Variants in TMEM163 observed in about 807,000 individuals in gnomAD.
TMEM163 encodes transmembrane protein 163.
Under a neutral mutation model 29.3 loss-of-function variants are expected in TMEM163, and 17 were observed. The ratio of observed to expected loss-of-function variants is 0.58; its 90% CI spans 0.40 to 0.87. The LOEUF (loss-of-function observed/expected upper bound fraction) is 0.87, where lower values mean the gene tolerates loss of function less well. TMEM163 is among the 40% of genes least tolerant of loss of function. The pLI is 0.00. For missense variants in TMEM163, 303 were observed against 381.5 expected, an observed-to-expected ratio of 0.79 and a Z score of 1.71; for synonymous variants, 157 against 160.6, an observed-to-expected ratio of 0.98 and a Z score of 0.17.
At chr2:134,462,740 G>A (rs916999393) in intron 6 of TMEM163, among the ~76,000 whole-genome samples, 17 of 152,246 alleles carry the variant, frequency 1.1e-4, no homozygotes, top group African/African-American at 3.6e-4. Context: ...AGCCAGAACA[G>A]TGAAGCCTAG....
chr2:134,533,835 C>T (rs944205573), intron 4 of TMEM163, among the ~76,000 whole-genome samples: 1 of 152,174 alleles, frequency 6.6e-6, no homozygotes, highest in Admixed American at 6.5e-5. Context: ...CTTTTAAACA[C>T]ACCACGCTGG....
chr2:134,520,457 T>C (rs1680168676), intron 4 of TMEM163, among the ~76,000 whole-genome samples: 1 of 152,250 alleles, frequency 6.6e-6, no homozygotes, highest in Non-Finnish European at 1.5e-5. Flanking sequence ...TCAGGTAAGC[T>C]GTGTCACTTC....
chr2:134,673,154 C>T (rs111979653), intron 2 of TMEM163, among the ~76,000 whole-genome samples: 157 of 152,230 alleles, frequency 1.0e-3, no homozygotes, highest in African/African-American at 3.5e-3. Context: ...ACATACAAGG[C>T]CAGGTGGTAG....
At chr2:134,688,172 C>T (rs1684386426) in intron 2 of TMEM163, among the ~76,000 whole-genome samples, 1 of 152,162 alleles carries the variant, frequency 6.6e-6, no homozygotes, top group Non-Finnish European at 1.5e-5. Context: ...TCCTGCCAGA[C>T]TCACAACCCC....
At chr2:134,533,058 C>T (rs1313642877) in intron 4 of TMEM163, among the ~76,000 whole-genome samples, 2 of 152,162 alleles carry the variant, frequency 1.3e-5, no homozygotes, top group African/African-American at 4.8e-5. Flanking sequence ...AAGTACCCCA[C>T]ATCTCAAGCA....
intron 2 of TMEM163, among the ~76,000 whole-genome samples, chr2:134,702,406 A>T (rs758161972): frequency 3.3e-5 from 5 of 152,216 alleles, no homozygotes; most frequent in Non-Finnish European, 5.9e-5. Flanking sequence ...CACTTTTGGG[A>T]GGCTAAGGTG....
At chr2:134,591,103 A>T (rs1266957940) in intron 2 of TMEM163, among the ~76,000 whole-genome samples, 3 of 152,256 alleles carry the variant, frequency 2.0e-5, no homozygotes, top group African/African-American at 7.2e-5. Flanking sequence ...TCTGTGCCTT[A>T]TGCAAATGAG....
intron 2 of TMEM163, among the ~76,000 whole-genome samples, chr2:134,609,941 A>T (rs1228777389): frequency 2.0e-5 from 3 of 152,098 alleles, no homozygotes; most frequent in African/African-American, 7.2e-5. Context: ...GGCTGAGGAA[A>T]GGTTTTACGA....
At chr2:134,542,266 T>A (rs1043683850) in intron 4 of TMEM163, among the ~76,000 whole-genome samples, 3 of 152,242 alleles carry the variant, frequency 2.0e-5, no homozygotes, top group African/African-American at 4.8e-5. Context: ...ATTACGCCAC[T>A]TGGCAGCTGT....
intron 5 of TMEM163, among the ~76,000 whole-genome samples, chr2:134,493,398 G>A (rs1288414002): frequency 1.0e-5 from 1 of 99,628 alleles, no homozygotes; most frequent in Non-Finnish European, 1.7e-5. Context: ...TTTTGAGATG[G>A]AGTCTCACTC....
At chr2:134,684,412 G>A (rs1258043487) in intron 2 of TMEM163, among the ~76,000 whole-genome samples, 1 of 152,154 alleles carries the variant, frequency 6.6e-6, no homozygotes. Flanking sequence ...AATTCTGCGA[G>A]CATGAGTGAA....
chr2:134,664,298 T>C lies in TMEM163; in HGVS notation c.322+48902A>G, dbSNP rs1450208762. Among the ~76,000 whole-genome samples, 4 of 152,342 alleles carry C rather than the reference T, an allele frequency of 2.6e-5. No individual in the cohort carries two copies. The East Asian group carries it at 7.7e-4, about 29-fold the overall frequency. ...CAGGCTGAGCTGTGTGAGCTCAGTGTCAACTTCAGGGTCCATCAGAATCGC... is the reference window on the plus strand; with the variant it reads ...CAGGCTGAGCTGTGTGAGCTCAGTGCCAACTTCAGGGTCCATCAGAATCGC... On this transcript the variant is annotated intron_variant, in intron 2 of 7. Transcript: ENST00000281924.
rs2104810369 is a variant in TMEM163 at position 134,601,623 on chromosome 2, A to T, written c.323-49532T>A. Among the ~76,000 whole-genome samples the T allele has an allele frequency of 2.0e-5, 3 of 152,366 alleles. No individual in the cohort carries two copies. In the South Asian group the frequency reaches 6.2e-4, roughly 32 times the overall value. ...GTTCCAAGGTTTTCTGGTCTAAGTA[A>T]TTCAGAACCAGTTCACAAATGCTTA... On this transcript the variant is annotated intron_variant, in intron 2 of 7. Coordinates refer to ENST00000281924, the MANE Select transcript of TMEM163 (RefSeq NM_030923.5).
At chr2:134,471,359 C>T (rs1460366985) in intron 5 of TMEM163, among the ~76,000 whole-genome samples, 2 of 152,056 alleles carry the variant, frequency 1.3e-5, no homozygotes, top group Non-Finnish European at 2.9e-5. Context: ...TATAAGAAAA[C>T]AGAAGATCTT....
At position 134,594,035 on chromosome 2, in the gene TMEM163, A is replaced by G. The variant is rs557199801; in HGVS notation, c.323-41944T>C. On this transcript the variant is annotated intron_variant, in intron 2 of 7. Transcript: ENST00000281924. ...ATTTAAAAGATGTGGACAACTACTTAAATGAAGAGACAAGAAACAAAAAGG... is the reference window on the plus strand; with the variant it reads ...ATTTAAAAGATGTGGACAACTACTTGAATGAAGAGACAAGAAACAAAAAGG... Among the ~76,000 whole-genome samples the G allele has an allele frequency of 2.6e-5, 4 of 152,280 alleles. No homozygotes were observed. In the East Asian group the frequency reaches 7.7e-4, roughly 29 times the overall value.
intron 2 of TMEM163, among the ~76,000 whole-genome samples, chr2:134,656,586 TC>T (rs1683623322): frequency 6.6e-6 from 1 of 152,194 alleles, no homozygotes; most frequent in Non-Finnish European, 1.5e-5. Context: ...GCCTTCTATT[TC>T]TTTCTCTTGA....
intron 5 of TMEM163, among the ~76,000 whole-genome samples, chr2:134,477,285 T>A (rs563870708): frequency 8.4e-4 from 128 of 152,350 alleles, no homozygotes; most frequent in African/African-American, 3.0e-3. Context: ...TCAAGGAACT[T>A]ACAACCTAGT....
chr2:134,689,842 C>T (rs928798671), intron 2 of TMEM163, among the ~76,000 whole-genome samples: 31 of 152,174 alleles, frequency 2.0e-4, no homozygotes, highest in African/African-American at 7.0e-4. Context: ...ATATAGGTCC[C>T]CATCAAAAAT....
At chr2:134,503,570 A>G (rs1679748603) in intron 4 of TMEM163, among the ~76,000 whole-genome samples, 1 of 152,230 alleles carries the variant, frequency 6.6e-6, no homozygotes, top group Admixed American at 6.5e-5. Flanking sequence ...ACTTTTGGAT[A>G]TGACGTTGAT....
Sources: allele counts gnomAD v4.1 joint callset (sites outside exome capture counted in the v4.1 genomes callset), GRCh38; gene constraint gnomAD v4.1.1; transcripts MANE v1.5; gene names NCBI Gene and HGNC (gene_info 2026-07-23, HGNC 2026-07-21).